The following C12orf56 variants were observed in gnomAD, a reference collection of about 807,000 sequenced individuals.
The protein encoded by C12orf56 is chromosome 12 open reading frame 56, also known as uncharacterized protein C12orf56.
In C12orf56, 71 loss-of-function variants were observed where a neutral mutation model predicts 69.9. The ratio of observed to expected loss-of-function variants is 1.02; its 90% CI spans 0.84 to 1.24. C12orf56 has a LOEUF of 1.24. C12orf56 is among the 50% of genes most tolerant of loss of function. The pLI is 0.00. For missense variants in C12orf56, 732 were observed against 738.5 expected (o/e 0.99, Z 0.10); for synonymous variants, 276 against 274.1 (o/e 1.01, Z -0.07).
chr12:64,327,941 C>G (rs753010313), intron 3 of C12orf56, among the ~76,000 whole-genome samples: 3 of 151,962 alleles, frequency 2.0e-5, no homozygotes, highest in Admixed American at 6.6e-5. Flanking sequence ...GAATAATTGG[C>G]CTTAAGGTTA....
intron 1 of C12orf56, among the ~76,000 whole-genome samples, chr12:64,360,920 A>T (rs2039391618): frequency 6.6e-6 from 1 of 152,174 alleles, no homozygotes; most frequent in African/African-American, 2.4e-5. Flanking sequence ...TTTAAGTGTA[A>T]TTGCATAAAA....
intron 2 of C12orf56, chr12:64,338,442 C>T: frequency 3.7e-6 from 3 of 817,772 alleles, no homozygotes; most frequent in Non-Finnish European, 6.5e-6. Flanking sequence ...TCCTTTTGCA[C>T]CGCAGACTTT....
chr12:64,347,604 T>C (rs1592474760), intron 2 of C12orf56, among the ~76,000 whole-genome samples: 1 of 152,070 alleles, frequency 6.6e-6, no homozygotes, highest in African/African-American at 2.4e-5. Context: ...AGAGACAGGG[T>C]CTCACTCTGT....
intron 1 of C12orf56, among the ~76,000 whole-genome samples, chr12:64,380,104 C>CAAAAAAAAAAAAAAAAA (rs60079906): frequency 1.0e-4 from 5 of 49,980 alleles, no homozygotes; most frequent in East Asian, 8.3e-4. Context: ...GACTCCGTCG[C>CAAAAAAAAAAAAAAAAA]AAAAAAAAAA....
chr12:64,371,569 A>T (rs1426760356), intron 1 of C12orf56, among the ~76,000 whole-genome samples: 1 of 151,744 alleles, frequency 6.6e-6, no homozygotes, highest in Non-Finnish European at 1.5e-5. Context: ...GGTGGTTCAC[A>T]TCTGTAATTC....
chr12:64,380,938 A>T lies in C12orf56; in HGVS notation c.252+9376T>A, dbSNP rs73313807. On this transcript the variant is annotated intron_variant, in intron 1 of 12. Transcript: ENST00000543942. ...TTAATTTATGATATATGTTTCAAAG[A>T]TAACCACAATGTAACCACCCAACAG... Among the ~76,000 whole-genome samples, 539 of 152,322 alleles carry T rather than the reference A, an allele frequency of 3.5e-3. 4 individuals are homozygous for T. Among genetic ancestry groups the T allele is most frequent in the African/African-American group, 0.012 (515 of 41,572 alleles).
chr12:64,301,495 C>T (rs1392283678), intron 6 of C12orf56, among the ~76,000 whole-genome samples: 2 of 152,134 alleles, frequency 1.3e-5, no homozygotes. Context: ...GACCTGGACC[C>T]ATTTAGATTG....
intron 1 of C12orf56, among the ~76,000 whole-genome samples, chr12:64,360,008 T>C (rs10878157): frequency 0.88 from 133,441 of 152,196 alleles, 58,963 homozygotes; most frequent in Middle Eastern, 0.94. Context: ...AGCCACTGCG[T>C]CCAGCGAAAA....
intron 1 of C12orf56, among the ~76,000 whole-genome samples, chr12:64,383,762 A>G (rs1050097339): frequency 1.2e-4 from 18 of 152,236 alleles, no homozygotes; most frequent in Non-Finnish European, 2.2e-4. Flanking sequence ...GTCCACAACT[A>G]TAAATCAACC....
At chr12:64,269,829 T>C (rs1170411110) in intron 12 of C12orf56, among the ~76,000 whole-genome samples, 1 of 151,964 alleles carries the variant, frequency 6.6e-6, no homozygotes, top group Non-Finnish European at 1.5e-5. Flanking sequence ...CCTCAAGTAA[T>C]CTGCCCGGCT....
rs1164547465 is a variant in C12orf56, at chr12:64,270,768, C to G, written c.1585-54G>C. 1.2e-5 allele frequency: 18 copies of G among 1,449,240 alleles called. No individual in the cohort carries two copies. In the Middle Eastern group the frequency reaches 7.2e-4, roughly 58 times the overall value. The allele number at this position is 1,449,240 out of a possible 1,614,324, so 89.8% of individuals were successfully genotyped here. On this transcript the variant is annotated intron_variant, in intron 11 of 12. Coordinates refer to ENST00000543942, the MANE Select transcript of C12orf56 (RefSeq NM_001170633.2). Reference sequence around the variant, plus strand: ...GGCTGTGTGCCACCCACAAAAGCAACTATTTCAGCTGGAGCTTCAACTACA... The same window carrying G: ...GGCTGTGTGCCACCCACAAAAGCAAGTATTTCAGCTGGAGCTTCAACTACA...
intron 1 of C12orf56, among the ~76,000 whole-genome samples, chr12:64,363,640 T>C (rs2039426828): frequency 6.6e-6 from 1 of 152,152 alleles, no homozygotes; most frequent in African/African-American, 2.4e-5. Flanking sequence ...TAGATGATCA[T>C]GGGAATAGCC....
chr12:64,314,915 G>T (rs2038670707), intron 4 of C12orf56, among the ~76,000 whole-genome samples: 1 of 140,796 alleles, frequency 7.1e-6, no homozygotes, highest in African/African-American at 2.6e-5. Context: ...GATTACAGGA[G>T]TGAGCCACCG....
rs190333710 is a variant in C12orf56 at position 64,312,248 on chromosome 12, C to T, written c.968+431G>A. 9.2e-5 allele frequency among the ~76,000 whole-genome samples: 14 copies of T among 152,172 alleles called. No homozygotes were observed. In the East Asian group the frequency reaches 2.1e-3, roughly 23 times the overall value. ...GGATACCTGTGTTTGCAGACTTAACCGTCAGGGCAGGCAGATGAGGTAAAG... is the reference window on the plus strand; with the variant it reads ...GGATACCTGTGTTTGCAGACTTAACTGTCAGGGCAGGCAGATGAGGTAAAG... On this transcript the variant is annotated intron_variant, in intron 5 of 12. Transcript: ENST00000543942.
intron 1 of C12orf56, among the ~76,000 whole-genome samples, chr12:64,385,819 G>C (rs184656906): frequency 1.6e-4 from 24 of 152,186 alleles, no homozygotes; most frequent in Admixed American, 9.8e-4. Flanking sequence ...AGCCTGCTCT[G>C]CATAAATTAC....
intron 1 of C12orf56, among the ~76,000 whole-genome samples, chr12:64,353,792 G>A (rs1040627312): frequency 2.6e-5 from 4 of 151,978 alleles, no homozygotes; most frequent in South Asian, 4.2e-4. Context: ...AGCAATTCTC[G>A]TGCCTCAGCC....
At chr12:64,385,365 T>C (rs554151672) in intron 1 of C12orf56, among the ~76,000 whole-genome samples, 6 of 152,204 alleles carry the variant, frequency 3.9e-5, no homozygotes, top group African/African-American at 4.8e-5. Flanking sequence ...TTACCTTTAA[T>C]TTTTTTTCCT....
chr12:64,370,626 G>T (rs1201426394), intron 1 of C12orf56, among the ~76,000 whole-genome samples: 1 of 152,044 alleles, frequency 6.6e-6, no homozygotes, highest in African/African-American at 2.4e-5. Context: ...ATTCCAGCCT[G>T]GGCAACAGAC....
At chr12:64,303,942 C>G (rs1289321146) in intron 5 of C12orf56, among the ~76,000 whole-genome samples, 163 bp from the exon 6 acceptor site, 1 of 152,112 alleles carries the variant, frequency 6.6e-6, no homozygotes, top group Non-Finnish European at 1.5e-5. Context: ...AAACTTGCTC[C>G]CCACAAATTG....
Sources: allele counts gnomAD v4.1 joint callset (sites outside exome capture counted in the v4.1 genomes callset), GRCh38; gene constraint gnomAD v4.1.1; transcripts MANE v1.5; gene names NCBI Gene and HGNC (gene_info 2026-07-23, HGNC 2026-07-21).